BNC2: variants seen among roughly 807,000 people sequenced by gnomAD.
BNC2 encodes zinc finger protein basonuclin-2.
In BNC2, 20 loss-of-function variants were observed where a neutral mutation model predicts 76.3. The observed-to-expected ratio is 0.26, with a 90% confidence interval of 0.18 to 0.38. The LOEUF is 0.38. Ranked by LOEUF, BNC2 falls within the 10% of genes least tolerant of loss-of-function variation. The pLI is 1.00. For missense variants in BNC2, 1,382 were observed against 1,399.8 expected, an observed-to-expected ratio of 0.99 and a Z score of 0.20; for synonymous variants, 582 against 514.8, an observed-to-expected ratio of 1.13 and a Z score of -1.77.
At chr9:16,568,524 T>A (rs1819228902) in intron 4 of BNC2, among the ~76,000 whole-genome samples, 1 of 152,142 alleles carries the variant, frequency 6.6e-6, no homozygotes, top group African/African-American at 2.4e-5. Flanking sequence ...ACCTAGCCCA[T>A]GCACTTCCAC....
chr9:16,692,591 A>G (rs1411862038), intron 3 of BNC2, among the ~76,000 whole-genome samples: 3 of 152,178 alleles, frequency 2.0e-5, no homozygotes, highest in Non-Finnish European at 2.9e-5. Flanking sequence ...ACCACAGCAT[A>G]CCAATCCAAT....
chr9:16,605,843 T>C (rs529284224), intron 3 of BNC2, among the ~76,000 whole-genome samples: 103 of 142,532 alleles, frequency 7.2e-4, no homozygotes, highest in African/African-American at 2.4e-3. Context: ...GGCTGGAGCA[T>C]AGTGGCACAA....
chr9:16,429,131 C>A (rs980947210), intron 6 of BNC2, among the ~76,000 whole-genome samples: 3 of 152,058 alleles, frequency 2.0e-5, no homozygotes, highest in African/African-American at 7.2e-5. Context: ...ATGGCAAGCA[C>A]ATTATTTCTG....
At chr9:16,741,020 T>C (rs2039186) in intron 1 of BNC2, among the ~76,000 whole-genome samples, 78 of 152,308 alleles carry the variant, frequency 5.1e-4, no homozygotes, top group South Asian at 1.2e-3. Context: ...TTATCTTTCC[T>C]AATTCAGGGT....
At chr9:16,488,398 C>T (rs1822209347) in intron 5 of BNC2, among the ~76,000 whole-genome samples, 1 of 152,188 alleles carries the variant, frequency 6.6e-6, no homozygotes, top group Non-Finnish European at 1.5e-5. Context: ...CAGGCCTATA[C>T]TTACACTAAT....
chr9:16,578,847 A>C (rs1025754789), intron 4 of BNC2, among the ~76,000 whole-genome samples: 3 of 152,212 alleles, frequency 2.0e-5, no homozygotes, highest in Non-Finnish European at 2.9e-5. Flanking sequence ...GAAAGTAAAA[A>C]ATATAGTATT....
At chr9:16,734,458 T>A (rs2383005) in intron 2 of BNC2, among the ~76,000 whole-genome samples, 70,535 of 151,932 alleles carry the variant, frequency 0.46, 19,965 homozygotes, top group East Asian at 0.89. Context: ...CCTCTCATTA[T>A]AAGAGTCCAT....
chr9:16,780,880 GTTTTC>G (rs1262254385), intron 1 of BNC2, among the ~76,000 whole-genome samples: 2 of 151,992 alleles, frequency 1.3e-5, no homozygotes, highest in African/African-American at 2.4e-5. Flanking sequence ...AACAAGTCCA[GTTTTC>G]TTTTAATTCT....
chr9:16,663,381 G>A (rs961911583), intron 3 of BNC2, among the ~76,000 whole-genome samples: 1 of 152,008 alleles, frequency 6.6e-6, no homozygotes, highest in Non-Finnish European at 1.5e-5. Context: ...ACTGGCCTCA[G>A]CCTCCCAAAG....
intron 1 of BNC2, among the ~76,000 whole-genome samples, chr9:16,834,625 A>G (rs2136047130): frequency 6.6e-6 from 1 of 152,298 alleles, no homozygotes; most frequent in South Asian, 2.1e-4. Context: ...GCCTTCCACA[A>G]TTAGCATTTT....
At chr9:16,627,727 A>G (rs2133683698) in intron 3 of BNC2, among the ~76,000 whole-genome samples, 1 of 152,322 alleles carries the variant, frequency 6.6e-6, no homozygotes, top group East Asian at 1.9e-4. Flanking sequence ...TTTTATCAGT[A>G]GCAAGAGTTC....
chr9:16,825,589 G>C (rs1165256864), intron 1 of BNC2, among the ~76,000 whole-genome samples: 2 of 152,048 alleles, frequency 1.3e-5, no homozygotes, highest in Non-Finnish European at 2.9e-5. Context: ...GTAAACCTTT[G>C]TGGTGTTCTC....
chr9:16,608,328 T>C (rs770294545), intron 3 of BNC2, among the ~76,000 whole-genome samples: 2 of 152,122 alleles, frequency 1.3e-5, no homozygotes, highest in East Asian at 1.9e-4. Flanking sequence ...ACAGAGTAAA[T>C]GGTAAATAAA....
rs1278321288 is a variant in BNC2, at chr9:16,412,690, G to C, written c.*6299C>G. ...TGTGTATGTGCTTGTATGTTAGGAGGGGAGAATAAGAGGGAAGGAGAGAGA... is the reference window on the plus strand; with the variant it reads ...TGTGTATGTGCTTGTATGTTAGGAGCGGAGAATAAGAGGGAAGGAGAGAGA... On this transcript the variant is annotated 3_prime_UTR_variant, in exon 7 of 7. Coordinates refer to ENST00000380672, the MANE Select transcript of BNC2 (RefSeq NM_017637.6). The C allele has an allele frequency of 6.6e-6, 1 of 150,904 alleles. No homozygotes were observed. The highest frequency in any genetic ancestry group is 1.5e-5 in the Non-Finnish European group (1 of 67,576). 9.3% of individuals were successfully genotyped at this position (150,904 alleles called of 1,614,324 possible).
chr9:16,788,048 T>C (rs1211064697), intron 1 of BNC2, among the ~76,000 whole-genome samples: 2 of 152,112 alleles, frequency 1.3e-5, no homozygotes, highest in African/African-American at 4.8e-5. Flanking sequence ...CCCTCAAACA[T>C]ACAGTTCCAG....
At chr9:16,824,621 ACT>A (rs977578640) in intron 1 of BNC2, among the ~76,000 whole-genome samples, 1 of 152,144 alleles carries the variant, frequency 6.6e-6, no homozygotes, top group African/African-American at 2.4e-5. Context: ...CAATGCTGTC[ACT>A]TCTAGTCACT....
At chr9:16,833,397 G>C (rs529496886) in intron 1 of BNC2, among the ~76,000 whole-genome samples, 16 of 152,184 alleles carry the variant, frequency 1.1e-4, no homozygotes, top group African/African-American at 3.9e-4. Context: ...TCCATTTCCT[G>C]GAACAGTTTT....
intron 1 of BNC2, among the ~76,000 whole-genome samples, chr9:16,797,298 C>T (rs1383680281): frequency 6.6e-6 from 1 of 152,158 alleles, no homozygotes; most frequent in East Asian, 1.9e-4. Context: ...TTTCTAGATA[C>T]CCAACTTCTC....
intron 3 of BNC2, among the ~76,000 whole-genome samples, chr9:16,615,004 A>AAAAAAAG (rs1281440121): frequency 8.8e-6 from 1 of 113,082 alleles, no homozygotes; most frequent in Non-Finnish European, 1.8e-5. Context: ...AAAAAAAAAA[A>AAAAAAAG]GCCAAGCAGG....
Sources: gnomAD v4.1 joint callset for allele counts (sites outside exome capture counted in the v4.1 genomes callset) on GRCh38, gnomAD v4.1.1 for gene constraint, MANE v1.5 for transcripts, NCBI Gene and HGNC (gene_info 2026-07-23, HGNC 2026-07-21) for gene names.